Variants in FBXO34 observed in about 807,000 individuals in gnomAD.
FBXO34 encodes the protein F-box protein 34, also known as F-box only protein 34.
In FBXO34, 12 loss-of-function variants were observed where a neutral mutation model predicts 24.5. That is an observed-to-expected ratio of 0.49 (90% CI 0.31 to 0.79). The LOEUF (loss-of-function observed/expected upper bound fraction) is 0.79. Among genes scored for constraint, FBXO34 ranks in the 30% least tolerant of loss-of-function variants. FBXO34 has a pLI of 0.04. For synonymous variants in FBXO34, 320 were observed against 311.9 expected (o/e 1.03, Z -0.27); for missense variants, 823 against 857.7 (o/e 0.96, Z 0.51).
chr14:55,437,292 A>G, the FBXO34 span, among the ~76,000 whole-genome samples: 1 of 152,392 alleles, frequency 6.6e-6, no homozygotes, highest in South Asian at 2.1e-4. Flanking sequence ...AGCCTGGCCA[A>G]TGTGGTGAAA....
At chr14:55,284,292 T>A (rs183673385) in intron 1 of FBXO34, among the ~76,000 whole-genome samples, 3 of 152,232 alleles carry the variant, frequency 2.0e-5, no homozygotes, top group Admixed American at 2.0e-4. Flanking sequence ...TGCTCATAGA[T>A]CACCTGAGGT....
intron 1 of FBXO34, among the ~76,000 whole-genome samples, chr14:55,289,492 A>G (rs1359711451): frequency 6.6e-6 from 1 of 152,074 alleles, no homozygotes; most frequent in African/African-American, 2.4e-5. Context: ...TTTCTTATCT[A>G]TTCTTCCGGT....
the FBXO34 span, among the ~76,000 whole-genome samples, chr14:55,409,857 T>C: frequency 6.6e-6 from 1 of 152,126 alleles, no homozygotes; most frequent in East Asian, 1.9e-4. Context: ...GGCTGCAATA[T>C]GGAAATTGTA....
At chr14:55,405,369 A>G in the FBXO34 span, among the ~76,000 whole-genome samples, 1 of 152,192 alleles carries the variant, frequency 6.6e-6, no homozygotes, top group African/African-American at 2.4e-5. Flanking sequence ...TGTTTAGGGC[A>G]TGCATTTCTG....
intron 1 of FBXO34, among the ~76,000 whole-genome samples, chr14:55,340,488 C>T (rs1883956618): frequency 6.6e-6 from 1 of 151,674 alleles, no homozygotes; most frequent in African/African-American, 2.4e-5. Context: ...CTCAAGTGAT[C>T]CTCCTGCCTT....
the FBXO34 span, among the ~76,000 whole-genome samples, chr14:55,381,010 T>C: frequency 5.9e-5 from 9 of 151,784 alleles, no homozygotes; most frequent in East Asian, 1.6e-3. Flanking sequence ...CCAACTTGAA[T>C]GTCACCTCTC....
chr14:55,290,487 G>C (rs548594897), intron 1 of FBXO34, among the ~76,000 whole-genome samples: 114 of 152,232 alleles, frequency 7.5e-4, no homozygotes, highest in African/African-American at 2.5e-3. Flanking sequence ...GGTTCAGTGA[G>C]GTCATCACCC....
At chr14:55,374,345 C>T (rs1884879774), downstream of FBXO34, among the ~76,000 whole-genome samples, 1 of 152,134 alleles carries the variant, frequency 6.6e-6, no homozygotes, top group Admixed American at 6.5e-5. Context: ...ACTTACATTT[C>T]TTGTGTGAGC....
chr14:55,339,993 C>A (rs1883935705), intron 1 of FBXO34, among the ~76,000 whole-genome samples: 1 of 152,156 alleles, frequency 6.6e-6, no homozygotes, highest in African/African-American at 2.4e-5. Context: ...CCCCTTCACT[C>A]CCACTCAGTA....
At chr14:55,410,484 A>G in the FBXO34 span, among the ~76,000 whole-genome samples, 4 of 152,224 alleles carry the variant, frequency 2.6e-5, no homozygotes, top group Non-Finnish European at 2.9e-5. Flanking sequence ...AGTCATCAAG[A>G]GCACCAATAA....
downstream of FBXO34, among the ~76,000 whole-genome samples, chr14:55,363,621 G>A (rs1450083614): frequency 2.0e-5 from 3 of 152,192 alleles, no homozygotes; most frequent in African/African-American, 7.2e-5. Context: ...GAGCCACCAC[G>A]CCCAGCCCAC....
At chr14:55,327,885 T>TATG (rs1231509985) in intron 1 of FBXO34, among the ~76,000 whole-genome samples, 1 of 149,110 alleles carries the variant, frequency 6.7e-6, no homozygotes, top group Non-Finnish European at 1.5e-5. Context: ...AACCTCGTCA[T>TATG]ATGATTTTCT....
chr14:55,354,496 C>T (rs1002193967), downstream of FBXO34: 1 of 152,260 alleles, frequency 6.6e-6, no homozygotes, highest in Non-Finnish European at 1.5e-5. Flanking sequence ...GGTTGGTTTT[C>T]ACAGATCAGC....
chr14:55,346,707 T>G (rs545811815), intron 1 of FBXO34, among the ~76,000 whole-genome samples: 1 of 152,036 alleles, frequency 6.6e-6, no homozygotes, highest in Non-Finnish European at 1.5e-5. Flanking sequence ...AGCTGGTGGT[T>G]GAAGAGGGAA....
rs1169341293 is a variant in FBXO34, at chr14:55,351,279, C to T, written c.889C>T (p.Arg297Cys). 9.9e-6 allele frequency: 16 copies of T among 1,613,964 alleles called. No individual in the cohort carries two copies. The Middle Eastern group carries it at 4.9e-4, about 50-fold the overall frequency. ...ESECLKRQGQ[R>C]EPGSLSRNNS... ...TGAGTGCCTGAAGCGGCAGGGCCAG[C>T]GTGAGCCTGGGAGCCTCTCAAGGAA... The change falls in exon 2 of 2, where the codon CGT becomes TGT. Residue 297 changes from arginine to cysteine, a missense_variant. Coordinates refer to ENST00000313833, the MANE Select transcript of FBXO34 (RefSeq NM_017943.4).
intron 1 of FBXO34, among the ~76,000 whole-genome samples, chr14:55,306,678 C>T (rs1385965875): frequency 2.0e-5 from 3 of 152,044 alleles, no homozygotes; most frequent in African/African-American, 7.2e-5. Context: ...ACTAAAAATA[C>T]AAAAACTAGC....
intron 1 of FBXO34, among the ~76,000 whole-genome samples, chr14:55,315,636 G>C (rs549300962): frequency 1.3e-5 from 2 of 152,240 alleles, no homozygotes; most frequent in East Asian, 3.9e-4. Flanking sequence ...ATAAAATTTA[G>C]CTTGAAATTT....
intron 1 of FBXO34, among the ~76,000 whole-genome samples, chr14:55,301,007 T>G (rs903734068): frequency 5.1e-4 from 78 of 152,350 alleles, no homozygotes; most frequent in African/African-American, 1.8e-3. Flanking sequence ...GGTGTGGTGT[T>G]TTCTTTTTGG....
the FBXO34 span, among the ~76,000 whole-genome samples, chr14:55,398,173 G>A: frequency 6.6e-6 from 1 of 151,936 alleles, no homozygotes; most frequent in African/African-American, 2.4e-5. Flanking sequence ...GGATGGTCTC[G>A]ATCTCCTGAC....
Sources: gnomAD v4.1 joint callset for allele counts (sites outside exome capture counted in the v4.1 genomes callset) on GRCh38, gnomAD v4.1.1 for gene constraint, MANE v1.5 for transcripts, NCBI Gene and HGNC (gene_info 2026-07-23, HGNC 2026-07-21) for gene names.